CNTNAP2: variants seen among roughly 807,000 people sequenced by gnomAD.
CNTNAP2 encodes contactin associated protein 2.
A neutral mutation model predicts 155.2 loss-of-function variants in CNTNAP2; 98 were observed. The observed-to-expected ratio is 0.63, with a 90% CI of 0.54 to 0.75. The LOEUF is 0.75. Among genes scored for constraint, CNTNAP2 ranks in the 30% least tolerant of loss-of-function variants. The pLI is 0.00. For synonymous variants in CNTNAP2, 651 were observed against 631.2 expected (o/e 1.03, Z -0.47); for missense variants, 1,727 against 1,688.1 (o/e 1.02, Z -0.40).
intron 21 of CNTNAP2, among the ~76,000 whole-genome samples, chr7:148,300,080 G>C (rs1364745471): frequency 6.6e-6 from 1 of 152,190 alleles, no homozygotes; most frequent in Admixed American, 6.5e-5. Flanking sequence ...TACAGAGAAA[G>C]GGCGTATGGA....
chr7:146,806,335 A>G (rs893102435), intron 2 of CNTNAP2, among the ~76,000 whole-genome samples: 85 of 137,502 alleles, frequency 6.2e-4, no homozygotes, highest in African/African-American at 2.4e-3. Flanking sequence ...TACTAAATAC[A>G]AAAAAAAAAA....
chr7:147,399,604 C>T (rs1369076462), intron 10 of CNTNAP2, among the ~76,000 whole-genome samples: 2 of 152,196 alleles, frequency 1.3e-5, no homozygotes, highest in Non-Finnish European at 2.9e-5. Context: ...GAAAATTAGT[C>T]AAAGGGGCTA....
At chr7:146,126,656 C>T (rs1563131793) in intron 1 of CNTNAP2, among the ~76,000 whole-genome samples, 1 of 152,160 alleles carries the variant, frequency 6.6e-6, no homozygotes. Context: ...AATATGATTG[C>T]TATTACTAAA....
intron 1 of CNTNAP2, among the ~76,000 whole-genome samples, chr7:146,435,542 A>G (rs906162437): frequency 3.9e-5 from 6 of 152,202 alleles, no homozygotes; most frequent in African/African-American, 1.4e-4. Context: ...TCAGCTGTAA[A>G]CATCTCTAGT....
chr7:146,618,036 G>C (rs574519753), intron 1 of CNTNAP2, among the ~76,000 whole-genome samples: 4 of 151,818 alleles, frequency 2.6e-5, no homozygotes, highest in African/African-American at 9.7e-5. Context: ...AAAAAGTAAA[G>C]AAAAATAAAG....
intron 10 of CNTNAP2, among the ~76,000 whole-genome samples, chr7:147,443,372 A>G (rs1449951687): frequency 6.6e-6 from 1 of 151,976 alleles, no homozygotes; most frequent in South Asian, 2.1e-4. Context: ...TGCTCTCCTC[A>G]CCCATGCTGC....
intron 8 of CNTNAP2, among the ~76,000 whole-genome samples, chr7:147,219,942 ATTTTT>A (rs34947567): frequency 1.6e-5 from 2 of 123,018 alleles, no homozygotes; most frequent in Non-Finnish European, 3.4e-5. Context: ...CGCCCAGCTA[ATTTTT>A]TTTTTTTTTT....
chr7:147,542,636 G>T (rs1046210892), intron 11 of CNTNAP2, among the ~76,000 whole-genome samples: 36 of 152,158 alleles, frequency 2.4e-4, no homozygotes, highest in African/African-American at 8.7e-4. Flanking sequence ...TAAGAGCTCT[G>T]TCTCTTTCAG....
intron 21 of CNTNAP2, among the ~76,000 whole-genome samples, chr7:148,284,734 A>G (rs1038241290): frequency 3.7e-4 from 57 of 152,270 alleles, no homozygotes; most frequent in African/African-American, 1.4e-3. Context: ...TCTGGGCTAC[A>G]AAGACCCTTT....
At chr7:148,023,362 A>C (rs543803425) in intron 15 of CNTNAP2, among the ~76,000 whole-genome samples, 1 of 152,352 alleles carries the variant, frequency 6.6e-6, no homozygotes, top group South Asian at 2.1e-4. Flanking sequence ...CGGAGTGATT[A>C]ATGATACAGT....
At chr7:146,395,187 A>G (rs181411921) in intron 1 of CNTNAP2, among the ~76,000 whole-genome samples, 1 of 152,122 alleles carries the variant, frequency 6.6e-6, no homozygotes, top group Non-Finnish European at 1.5e-5. Context: ...GCCATTGTGA[A>G]TAGTGCTGCG....
intron 13 of CNTNAP2, among the ~76,000 whole-genome samples, chr7:147,683,210 A>G (rs1795972734): frequency 6.6e-6 from 1 of 151,802 alleles, no homozygotes; most frequent in East Asian, 1.9e-4. Flanking sequence ...TATTTGTCCA[A>G]CATTCCCATG....
intron 2 of CNTNAP2, among the ~76,000 whole-genome samples, chr7:146,817,938 TAAAAAA>T (rs909060210): frequency 2.4e-4 from 37 of 152,258 alleles, no homozygotes; most frequent in African/African-American, 8.7e-4. Flanking sequence ...AGAAATTTGT[TAAAAAA>T]AGAATATAAG....
chr7:146,312,941 T>G (rs544504326), intron 1 of CNTNAP2, among the ~76,000 whole-genome samples: 9 of 152,312 alleles, frequency 5.9e-5, no homozygotes, highest in Admixed American at 1.3e-4. Flanking sequence ...TACTGCATTT[T>G]CTGTATGCAT....
chr7:147,785,164 G>A (rs986842927), intron 13 of CNTNAP2, among the ~76,000 whole-genome samples: 4 of 152,156 alleles, frequency 2.6e-5, no homozygotes, highest in African/African-American at 9.7e-5. Context: ...ATGTACAGTT[G>A]ATGGAAACCT....
Position 148,374,767 on chromosome 7 carries a change from C to T in CNTNAP2, c.3476-8882C>T, listed in dbSNP as rs190978589. Among the ~76,000 whole-genome samples, 6 of 152,340 alleles carry T rather than the reference C, an allele frequency of 3.9e-5. No homozygotes were observed. The South Asian group carries it at 8.3e-4, about 21-fold the overall frequency. The stretch of plus-strand genomic sequence containing the variant: ...AAGAAGCAGGTCTGTTCATTCCCAG[C>T]TCATGAGAAACTCAGGACGCACATT... On this transcript the variant is annotated intron_variant, in intron 21 of 23. Coordinates refer to ENST00000361727, the MANE Select transcript of CNTNAP2 (RefSeq NM_014141.6).
intron 12 of CNTNAP2, among the ~76,000 whole-genome samples, chr7:147,629,309 AG>A (rs1317451390): frequency 6.6e-6 from 1 of 151,976 alleles, no homozygotes; most frequent in East Asian, 1.9e-4. Flanking sequence ...AGGCTGAGGC[AG>A]GAGAATCACT....
chr7:147,288,014 T>C (rs1022712381), intron 8 of CNTNAP2, among the ~76,000 whole-genome samples: 1 of 152,254 alleles, frequency 6.6e-6, no homozygotes, highest in East Asian at 1.9e-4. Flanking sequence ...TCTTATTTCC[T>C]CAGTCCTTCC....
At chr7:146,331,350 G>A (rs1801185088) in intron 1 of CNTNAP2, among the ~76,000 whole-genome samples, 1 of 151,794 alleles carries the variant, frequency 6.6e-6, no homozygotes, top group Non-Finnish European at 1.5e-5. Flanking sequence ...AAATTATTCG[G>A]CCCTTTATTG....
Sources: gnomAD v4.1 joint callset for allele counts (sites outside exome capture counted in the v4.1 genomes callset) on GRCh38, gnomAD v4.1.1 for gene constraint, MANE v1.5 for transcripts, NCBI Gene and HGNC (gene_info 2026-07-23, HGNC 2026-07-21) for gene names.